ASB18: variants seen among roughly 807,000 people sequenced by gnomAD.
ASB18 encodes the protein ankyrin repeat and SOCS box protein 18.
In ASB18, 33 loss-of-function variants were observed where a neutral mutation model predicts 33.4. That is an observed-to-expected ratio of 0.99 (90% CI 0.75 to 1.32). The LOEUF (loss-of-function observed/expected upper bound fraction) is 1.32, where lower values mean the gene tolerates loss of function less well. Among genes scored for constraint, ASB18 ranks in the 40% most tolerant of loss-of-function variants. ASB18 has a pLI of 0.00. For synonymous variants in ASB18, 295 were observed against 307.6 expected, an observed-to-expected ratio of 0.96 and a Z score of 0.43; for missense variants, 694 against 655.5, an observed-to-expected ratio of 1.06 and a Z score of -0.64.
rs1027645638 is a variant in ASB18 at position 236,193,952 on chromosome 2, T to C, written c.*920A>G. Reference sequence around the variant, plus strand: ...GTGGGTGGGTGGGTGTGGGGGTGTGTGAGCACCCTGCGATGGAATAGCACC... The same window carrying C: ...GTGGGTGGGTGGGTGTGGGGGTGTGCGAGCACCCTGCGATGGAATAGCACC... On this transcript the variant is annotated 3_prime_UTR_variant, in exon 6 of 6. Transcript: ENST00000409749. The surrounding 1 kb of genome is among the most constrained non-coding windows in gnomAD (Gnocchi z 5.0). Among the ~76,000 whole-genome samples the C allele has an allele frequency of 6.6e-6, 1 of 152,110 alleles. No homozygotes were observed. Among genetic ancestry groups the C allele is most frequent in the Non-Finnish European group, 1.5e-5 (1 of 68,018 alleles).
At chr2:236,233,404 A>C (rs573971559) in intron 3 of ASB18, among the ~76,000 whole-genome samples, 2 of 152,262 alleles carry the variant, frequency 1.3e-5, no homozygotes, top group Non-Finnish European at 2.9e-5. Flanking sequence ...CACCACTTTT[A>C]TTCAACATTG....
Position 236,237,588 on chromosome 2 carries a change from C to T in ASB18, c.596+101G>A. Reference sequence around the variant, plus strand: ...CAGGGTCTGGGTCCGGAGGCGGGGGCTGGGACGGAGGCGGAGGCGGGGTCG... The same window carrying T: ...CAGGGTCTGGGTCCGGAGGCGGGGGTTGGGACGGAGGCGGAGGCGGGGTCG... On this transcript the variant is annotated intron_variant, in intron 3 of 5. Coordinates refer to ENST00000409749, the MANE Select transcript of ASB18 (RefSeq NM_212556.4). The surrounding 1 kb of genome is among the most constrained non-coding windows in gnomAD (Gnocchi z 6.2). 1 of 983,498 alleles carries T rather than the reference C, an allele frequency of 1.0e-6. No homozygotes were observed. Among genetic ancestry groups the T allele is most frequent in the Non-Finnish European group, 1.3e-6 (1 of 756,306 alleles). 60.9% of individuals were successfully genotyped at this position (983,498 alleles called of 1,614,324 possible).
intron 3 of ASB18, among the ~76,000 whole-genome samples, chr2:236,232,545 A>G (rs1219894777): frequency 6.6e-6 from 1 of 152,096 alleles, no homozygotes; most frequent in Non-Finnish European, 1.5e-5. Context: ...AATGAAACCA[A>G]AAGCAAGACT....
In ASB18 at chr2:236,264,388, C is replaced by T; in HGVS notation, c.-43G>A. On this transcript the variant is annotated 5_prime_UTR_variant, in exon 1 of 6. Transcript: ENST00000409749. The surrounding 1 kb of genome is among the most constrained non-coding windows in gnomAD (Gnocchi z 5.1). ...AGTGACCAGCCCTTCTTTTCTTCCTCTAAAGCGACTCCAAAGTCAGCAGCT... is the reference window on the plus strand; with the variant it reads ...AGTGACCAGCCCTTCTTTTCTTCCTTTAAAGCGACTCCAAAGTCAGCAGCT... 1.9e-6 allele frequency: 3 copies of T among 1,545,754 alleles called. No homozygotes were observed. The highest frequency in any genetic ancestry group is 2.7e-6 in the Non-Finnish European group (3 of 1,118,924).
In ASB18 at chr2:236,241,196, G is replaced by T; in HGVS notation, c.328+84C>A. 7.3e-7 allele frequency: 1 copy of T among 1,379,142 alleles called. No homozygotes were observed. Among genetic ancestry groups the T allele is most frequent in the Non-Finnish European group, 1.0e-6 (1 of 982,164 alleles). 85.4% of individuals were successfully genotyped at this position (1,379,142 alleles called of 1,614,324 possible). ...GTTAAACCCAGTGCCACTGTGCCCA[G>T]TCTACACACGGGAGCCTTACACTCC... On this transcript the variant is annotated intron_variant, in intron 2 of 5. Transcript: ENST00000409749. This position sits in a 1 kb window ranked among gnomAD's most constrained non-coding sequence, Gnocchi z 4.2.
chr2:236,213,222 G>A lies in ASB18; in HGVS notation c.1101+1140C>T, dbSNP rs1231015637. On this transcript the variant is annotated intron_variant, in intron 4 of 5. Coordinates refer to ENST00000409749, the MANE Select transcript of ASB18 (RefSeq NM_212556.4). The surrounding 1 kb of genome is among the most constrained non-coding windows in gnomAD (Gnocchi z 4.8). Reference sequence around the variant, plus strand: ...CCCAAAGAGGGGGTGAGACAGCATCGGGAAAGTGCCATCCTGTTTGTCAAG... The same window carrying A: ...CCCAAAGAGGGGGTGAGACAGCATCAGGAAAGTGCCATCCTGTTTGTCAAG... Among the ~76,000 whole-genome samples, 1 of 151,896 alleles carries A rather than the reference G, an allele frequency of 6.6e-6. No homozygotes were observed. Among genetic ancestry groups the A allele is most frequent in the African/African-American group, 2.4e-5 (1 of 41,348 alleles).
At position 236,216,119 on chromosome 2, in the gene ASB18, C is replaced by G. The variant is rs968086603; in HGVS notation, c.597-1253G>C. Among the ~76,000 whole-genome samples, 10 of 152,210 alleles carry G rather than the reference C, an allele frequency of 6.6e-5. No homozygotes were observed. The highest frequency in any genetic ancestry group is 2.4e-4 in the African/African-American group (10 of 41,456). Reference sequence around the variant, plus strand: ...TCAAGCCGGAGTCCATTCTTCACCCCCCTCCTTTTCTCTGCGGGTCTGCCG... The same window carrying G: ...TCAAGCCGGAGTCCATTCTTCACCCGCCTCCTTTTCTCTGCGGGTCTGCCG... On this transcript the variant is annotated intron_variant, in intron 3 of 5. Coordinates refer to ENST00000409749, the MANE Select transcript of ASB18 (RefSeq NM_212556.4). The surrounding 1 kb of genome is among the most constrained non-coding windows in gnomAD (Gnocchi z 6.1).
intron 4 of ASB18, among the ~76,000 whole-genome samples, chr2:236,197,259 G>C (rs1200382551): frequency 6.6e-6 from 1 of 152,150 alleles, no homozygotes; most frequent in Admixed American, 6.5e-5. Context: ...TATACAATCA[G>C]TGTTTAAATT....
chr2:236,245,394 CAT>C lies in ASB18; in HGVS notation c.206-3994_206-3993del, dbSNP rs1172578789. 6.6e-6 allele frequency among the ~76,000 whole-genome samples: 1 copy of C among 152,212 alleles called. No individual in the cohort carries two copies. The stretch of plus-strand genomic sequence containing the variant: ...CTTTCTCAAGATTTCTGAATCCTGA[CAT>C]AGCCAGTGCCCAAGCACCTTCCCGT... On this transcript the variant is annotated intron_variant, in intron 1 of 5. Coordinates refer to ENST00000409749, the MANE Select transcript of ASB18 (RefSeq NM_212556.4). This position sits in a 1 kb window ranked among gnomAD's most constrained non-coding sequence, Gnocchi z 4.7.
rs946032885 is a variant in ASB18 at position 236,211,423 on chromosome 2, C to A, written c.1101+2939G>T. ...AAGGATGCCCTGTGTCCGCCTGCCG[C>A]GACGATGGTGCCTTTGTCTGGGCAT... On this transcript the variant is annotated intron_variant, in intron 4 of 5. Transcript: ENST00000409749. This position sits in a 1 kb window ranked among gnomAD's most constrained non-coding sequence, Gnocchi z 5.0. 6.6e-6 allele frequency among the ~76,000 whole-genome samples: 1 copy of A among 152,238 alleles called. No individual in the cohort carries two copies. The highest frequency in any genetic ancestry group is 1.5e-5 in the Non-Finnish European group (1 of 68,050).
At position 236,209,077 on chromosome 2, in the gene ASB18, G is replaced by T. The variant is rs1257872516; in HGVS notation, c.1101+5285C>A. ...CAACTCTGTGAAGATGGGAGGGGGA[G>T]CCCTGGTTTTTGACTACTGCTACTC... On this transcript the variant is annotated intron_variant, in intron 4 of 5. Transcript: ENST00000409749. This position sits in a 1 kb window ranked among gnomAD's most constrained non-coding sequence, Gnocchi z 4.4. 1.3e-5 allele frequency among the ~76,000 whole-genome samples: 2 copies of T among 152,120 alleles called. No individual in the cohort carries two copies. Among genetic ancestry groups the T allele is most frequent in the Non-Finnish European group, 2.9e-5 (2 of 68,034 alleles).
intron 1 of ASB18, among the ~76,000 whole-genome samples, chr2:236,242,965 G>A (rs1187580451): frequency 1.0e-4 from 15 of 143,568 alleles, no homozygotes; most frequent in Non-Finnish European, 7.5e-5. Context: ...AGACTATAAG[G>A]AGCCATGATT....
In ASB18 at chr2:236,238,008, TGG is replaced by T; in HGVS notation, c.329-54_329-53del. On this transcript the variant is annotated intron_variant, in intron 2 of 5. Coordinates refer to ENST00000409749, the MANE Select transcript of ASB18 (RefSeq NM_212556.4). The surrounding 1 kb of genome is among the most constrained non-coding windows in gnomAD (Gnocchi z 5.2). Reference sequence around the variant, plus strand: ...GTCAGGGGGAGGTTAGTTGTGGTGGTGGTGGGCGGTGTTCCTTAAGGCGGAAA... The same window carrying T: ...GTCAGGGGGAGGTTAGTTGTGGTGGTTGGGCGGTGTTCCTTAAGGCGGAAA... 7.1e-7 allele frequency: 1 copy of T among 1,418,406 alleles called. No individual in the cohort carries two copies. The highest frequency in any genetic ancestry group is 9.2e-7 in the Non-Finnish European group (1 of 1,089,908). 87.9% of individuals were successfully genotyped at this position (1,418,406 alleles called of 1,614,324 possible).
Position 236,234,769 on chromosome 2 carries a change from C to G in ASB18, c.596+2920G>C, listed in dbSNP as rs924137899. Among the ~76,000 whole-genome samples the G allele has an allele frequency of 1.3e-5, 2 of 152,198 alleles. No homozygotes were observed. Among genetic ancestry groups the G allele is most frequent in the Non-Finnish European group, 2.9e-5 (2 of 68,048 alleles). On this transcript the variant is annotated intron_variant, in intron 3 of 5. Transcript: ENST00000409749. The surrounding 1 kb of genome is among the most constrained non-coding windows in gnomAD (Gnocchi z 4.1). ...AATAAAAAAGCTTCAATCCCTACCT[C>G]ACATCATATTCAGAAATGAACTCAA...
At chr2:236,207,904 C>T (rs1466335622) in intron 4 of ASB18, among the ~76,000 whole-genome samples, 1 of 151,316 alleles carries the variant, frequency 6.6e-6, no homozygotes, top group Non-Finnish European at 1.5e-5. Context: ...TCTGGGTCTT[C>T]CTAGACTCAG....
In ASB18 at chr2:236,214,823, C is replaced by T; in HGVS notation, c.640G>A (p.Val214Met). The T allele has an allele frequency of 2.5e-6, 3 of 1,213,498 alleles. No homozygotes were observed. In the South Asian group the frequency reaches 1.1e-4, roughly 46 times the overall value. 75.2% of individuals were successfully genotyped at this position (1,213,498 alleles called of 1,614,324 possible). Residue 214 changes from valine (V) to methionine (M), a missense_variant, in exon 4 of 6, where the codon GTG becomes ATG. Val to Met is a conservative substitution (Grantham distance 21, BLOSUM62 1). Coordinates refer to ENST00000409749, the MANE Select transcript of ASB18 (RefSeq NM_212556.4). This position sits in a 1 kb window ranked among gnomAD's most constrained non-coding sequence, Gnocchi z 6.5. ...LLEHGASVQR[V>M]GGTGRDTPLH... ...GGCGTGTCCCGGCCCGTGCCGCCCA[C>T]GCGCTGCACCGAGGCCCCGTGCTCC...
Position 236,260,988 on chromosome 2 carries a change from C to G in ASB18, c.205+3153G>C, listed in dbSNP as rs76848945. On this transcript the variant is annotated intron_variant, in intron 1 of 5. Coordinates refer to ENST00000409749, the MANE Select transcript of ASB18 (RefSeq NM_212556.4). This position sits in a 1 kb window ranked among gnomAD's most constrained non-coding sequence, Gnocchi z 5.1. ...ATGGAGACGTTGGTCTCGAGACAGA[C>G]AGTGAGTTTCCTGAGGTTACACAGC... 0.01 allele frequency among the ~76,000 whole-genome samples: 1,587 copies of G among 152,276 alleles called. 25 individuals carry two copies. The highest frequency in any genetic ancestry group is 0.036 in the African/African-American group (1,514 of 41,544).
rs2060732160 is a variant in ASB18, at chr2:236,263,911, C to T, written c.205+230G>A. ...AAACAATGGAGCCACAGAGCAGCCA[C>T]TGTGGTAGGATTAGTTTTTTTGTGT... is the stretch of plus-strand genomic sequence containing the variant. On this transcript the variant is annotated intron_variant, in intron 1 of 5. Coordinates refer to ENST00000409749, the MANE Select transcript of ASB18 (RefSeq NM_212556.4). This position sits in a 1 kb window ranked among gnomAD's most constrained non-coding sequence, Gnocchi z 4.0. Among the ~76,000 whole-genome samples the T allele has an allele frequency of 6.6e-6, 1 of 152,308 alleles. No individual in the cohort carries two copies. Among genetic ancestry groups the T allele is most frequent in the East Asian group, 1.9e-4 (1 of 5,182 alleles).
Position 236,214,422 on chromosome 2 carries a change from G to A in ASB18, c.1041C>T (p.Arg347=), listed in dbSNP as rs533024444. 153 of 1,563,178 alleles carry A rather than the reference G, an allele frequency of 9.8e-5. No homozygotes were observed. The highest frequency in any genetic ancestry group is 1.8e-4 in the Admixed American group (10 of 54,482). The change falls in exon 4 of 6, where the codon CGC becomes CGT. Residue 347 remains arginine, a synonymous_variant. Coordinates refer to ENST00000409749, the MANE Select transcript of ASB18 (RefSeq NM_212556.4). This position sits in a 1 kb window ranked among gnomAD's most constrained non-coding sequence, Gnocchi z 6.5. ...CGTGGTTGAGCAGCGCCTGCACCGT[G>A]CGCTGCGGTGAGGCCTGGAGAGCGC... is the stretch of plus-strand genomic sequence containing the variant. ...ASCALQASPQ[R]TVQALLNHGS... is the part of the protein sequence containing the mutation.
Sources: allele counts gnomAD v4.1 joint callset (sites outside exome capture counted in the v4.1 genomes callset), GRCh38; gene constraint gnomAD v4.1.1; non-coding constraint Gnocchi (gnomAD v3.1); transcripts MANE v1.5; gene names NCBI Gene and HGNC (gene_info 2026-07-23, HGNC 2026-07-21).